The following CEP44 variants were observed in gnomAD, a reference collection of about 807,000 sequenced individuals.
CEP44 encodes centrosomal protein 44.
Under a neutral mutation model 46.7 loss-of-function variants are expected in CEP44, and 45 were observed. The ratio of observed to expected loss-of-function variants is 0.96; its 90% CI spans 0.76 to 1.24. CEP44 has a LOEUF of 1.24. Ranked by LOEUF, CEP44 falls within the 50% of genes most tolerant of loss-of-function variation. The pLI, the probability that CEP44 is intolerant of heterozygous loss-of-function variation, is 0.00. For synonymous variants in CEP44, 142 were observed against 146.0 expected (o/e 0.97, Z 0.20); for missense variants, 475 against 459.7 (o/e 1.03, Z -0.30).
At position 174,319,497 on chromosome 4, in the gene CEP44, T is replaced by C. The variant is rs1742097956; in HGVS notation, c.*2114T>C. The C allele has an allele frequency of 1.3e-5, 12 of 935,716 alleles. No individual in the cohort carries two copies. The highest frequency in any genetic ancestry group is 9.9e-5 in the South Asian group (2 of 20,204). The allele number at this position is 935,716 out of a possible 1,614,324, so 58.0% of individuals were successfully genotyped here. On this transcript the variant is annotated 3_prime_UTR_variant, in exon 12 of 12. Coordinates refer to ENST00000503780, the MANE Select transcript of CEP44 (RefSeq NM_001040157.3). ...ATTTTTGAAGTTTTCTTATGGAAGA[T>C]AGAAAAAAAGTTAAGTCTCTTTCTA...
chr4:174,328,228 A>G (rs1731103237), intron 8 of CEP44, among the ~76,000 whole-genome samples: 1 of 152,162 alleles, frequency 6.6e-6, no homozygotes, highest in Non-Finnish European at 1.5e-5. Flanking sequence ...AGGAGAAAAC[A>G]TCTAAGTTGT....
rs76826686 is a variant in CEP44, at chr4:174,312,718, A to G, written c.961+1860A>G. ...AATACCTGGTCTCATAGAGTTTATG[A>G]TCTGATCTAGATTAATTAAAAGACT... On this transcript the variant is annotated intron_variant, in intron 9 of 11. Coordinates refer to ENST00000503780, the MANE Select transcript of CEP44 (RefSeq NM_001040157.3). This position sits in a 1 kb window ranked among gnomAD's most constrained non-coding sequence, Gnocchi z 4.5. Among the ~76,000 whole-genome samples, 5,116 of 152,274 alleles carry G rather than the reference A, an allele frequency of 0.034. 126 individuals are homozygous for G. The highest frequency in any genetic ancestry group is 0.051 in the Non-Finnish European group (3,470 of 68,022).
In CEP44 at chr4:174,319,642, A is replaced by G; in HGVS notation, c.*2259A>G. The G allele has an allele frequency of 1.5e-6, 1 of 669,770 alleles. No homozygotes were observed. Among genetic ancestry groups the G allele is most frequent in the Non-Finnish European group, 1.8e-6 (1 of 541,516 alleles). 41.5% of individuals were successfully genotyped at this position (669,770 alleles called of 1,614,324 possible). On this transcript the variant is annotated 3_prime_UTR_variant, in exon 12 of 12. Transcript: ENST00000503780. ...ATAAGTAAGTATATATTGAAAATAT[A>G]AAATATTTCATATATGTTATCAGGT...
Position 174,319,760 on chromosome 4 carries a change from T to C in CEP44, c.*2377T>C. ...AAATCAACTCAATATATCATACATT[T>C]ACACTTACAAAGAGTCTTTATCTAG... On this transcript the variant is annotated 3_prime_UTR_variant, in exon 12 of 12. Transcript: ENST00000503780. 1.1e-6 allele frequency: 1 copy of C among 914,820 alleles called. No homozygotes were observed. The highest frequency in any genetic ancestry group is 1.3e-6 in the Non-Finnish European group (1 of 766,444). 56.7% of individuals were successfully genotyped at this position (914,820 alleles called of 1,614,324 possible). A position where few individuals can be genotyped will look rare whatever the true frequency, so the allele number is the denominator to read the frequency against.
downstream of CEP44, among the ~76,000 whole-genome samples, chr4:174,323,202 G>A (rs1665329061): frequency 6.6e-6 from 1 of 151,874 alleles, no homozygotes; most frequent in South Asian, 2.1e-4. Context: ...AATCCCTAAA[G>A]GCCAAAAGAA....
rs1417304881 is a variant in CEP44, at chr4:174,319,214, A to G, written c.*1831A>G. ...CAGAGTTTCAGTAAATATTTCCAGA[A>G]TTAATGAAGCATGTTAGCTTTAATT... On this transcript the variant is annotated 3_prime_UTR_variant, in exon 12 of 12. Coordinates refer to ENST00000503780, the MANE Select transcript of CEP44 (RefSeq NM_001040157.3). The G allele has an allele frequency of 1.8e-5, 17 of 970,832 alleles. No homozygotes were observed. The highest frequency in any genetic ancestry group is 1.8e-5 in the Non-Finnish European group (15 of 816,734). 60.1% of individuals were successfully genotyped at this position (970,832 alleles called of 1,614,324 possible). A position where few individuals can be genotyped will look rare whatever the true frequency, so the allele number is the denominator to read the frequency against.
intron 9 of CEP44, among the ~76,000 whole-genome samples, chr4:174,313,597 T>G (rs540325136): frequency 1.3e-5 from 2 of 152,224 alleles, no homozygotes; most frequent in East Asian, 3.9e-4. Context: ...GAATAGTGAT[T>G]TGTTAGGAAA....
At chr4:174,328,839 A>T (rs1024944114) in intron 8 of CEP44, among the ~76,000 whole-genome samples, 26 of 152,362 alleles carry the variant, frequency 1.7e-4, no homozygotes, top group African/African-American at 6.3e-4. Flanking sequence ...TCATCCTTTA[A>T]CAATATAAAT....
rs933376466 is a variant in CEP44 at position 174,287,676 on chromosome 4, A to C, written c.-148+3733A>C. Among the ~76,000 whole-genome samples, 3 of 152,198 alleles carry C rather than the reference A, an allele frequency of 2.0e-5. No individual in the cohort carries two copies. The highest frequency in any genetic ancestry group is 1.3e-4 in the Admixed American group (2 of 15,270). On this transcript the variant is annotated intron_variant, in intron 1 of 11. Coordinates refer to ENST00000503780, the MANE Select transcript of CEP44 (RefSeq NM_001040157.3). This position sits in a 1 kb window ranked among gnomAD's most constrained non-coding sequence, Gnocchi z 5.1. ...ATTTTCCCTTCTGGTTATGATTTAC[A>C]TGTATTAACTTATTAATACACGAAG...
rs1400843127 is a variant in CEP44, at chr4:174,326,984, C to A, written c.1087-4498C>A. 2.6e-5 allele frequency among the ~76,000 whole-genome samples: 4 copies of A among 151,656 alleles called. No individual in the cohort carries two copies. The highest frequency in any genetic ancestry group is 3.9e-4 in the East Asian group (2 of 5,170). ...CAATTAGAAGAGCTATGTAGAAAAA[C>A]CAAAATAAACTACAGACAGTTTTTT... On this transcript the variant is annotated intron_variant, in intron 8 of 8. Transcript: ENST00000426172. This position sits in a 1 kb window ranked among gnomAD's most constrained non-coding sequence, Gnocchi z 4.8.
upstream of CEP44, chr4:174,283,860 A>C (rs1276018765): frequency 2.8e-5 from 11 of 398,818 alleles, no homozygotes; most frequent in Non-Finnish European, 3.1e-5. The surrounding 1 kb of genome is among the most constrained non-coding windows in gnomAD (Gnocchi z 6.7). Flanking sequence ...GTCGCTCTTC[A>C]CAGGAGTCTT....
downstream of CEP44, among the ~76,000 whole-genome samples, chr4:174,324,901 A>G (rs1173590670): frequency 4.6e-5 from 7 of 151,702 alleles, no homozygotes; most frequent in Non-Finnish European, 8.8e-5. Context: ...CCCAAATTCA[A>G]CCCCCATAGA....
rs750534448 is a variant in CEP44, at chr4:174,299,174, G to A, written c.53G>A (p.Arg18His). The A allele has an allele frequency of 2.4e-5, 39 of 1,613,588 alleles. No homozygotes were observed. The East Asian group carries it at 3.1e-4, about 13-fold the overall frequency. The change falls in exon 3 of 12, where the codon CGC (arginine) becomes CAC (histidine). Residue 18 changes from arginine to histidine, a missense_variant. Arg to His is a conservative substitution (Grantham distance 29, BLOSUM62 0). Coordinates refer to ENST00000503780, the MANE Select transcript of CEP44 (RefSeq NM_001040157.3). ...RSLRNLEQVL[R>H]LLNYPEEVDC... ...TTACGGAACCTAGAACAGGTGCTCC[G>A]CTTGCTAAATTATCCTGAAGAGGTG...
chr4:174,329,225 A>G lies in CEP44; in HGVS notation c.1087-2257A>G, dbSNP rs1731182369. On this transcript the variant is annotated intron_variant, in intron 8 of 8. Transcript: ENST00000426172. The surrounding 1 kb of genome is among the most constrained non-coding windows in gnomAD (Gnocchi z 4.0). ...CTCATCCTCTGAAAGTGTTGAGATT[A>G]CAGGTATGAGCCACCAAGCTGGCCC... Among the ~76,000 whole-genome samples the G allele has an allele frequency of 2.0e-5, 3 of 152,106 alleles. No homozygotes were observed. Among genetic ancestry groups the G allele is most frequent in the Admixed American group, 6.6e-5 (1 of 15,260 alleles).
intron 2 of CEP44, among the ~76,000 whole-genome samples, chr4:174,298,359 T>C (rs1356309249): frequency 6.6e-6 from 1 of 151,504 alleles, no homozygotes; most frequent in Non-Finnish European, 1.5e-5. Flanking sequence ...GTATTTTTAG[T>C]AGAGACGGGG....
At position 174,304,252 on chromosome 4, in the gene CEP44, A is replaced by T. The variant is rs754623243; in HGVS notation, c.390A>T (p.Pro130=). The T allele has an allele frequency of 1.5e-5, 24 of 1,587,480 alleles. No homozygotes were observed. The South Asian group carries it at 2.8e-4, about 19-fold the overall frequency. ...HKELSSLQKI[P]SQQRKKISSG... The stretch of plus-strand genomic sequence containing the variant: ...ACTAATACCTTTTTTTTTAGATTCC[A>T]TCACAACAAAGAAAGAAAATCAGTT... Residue 130 remains proline (P), a synonymous_variant, in exon 6 of 12, where the codon CCA becomes CCT. Transcript: ENST00000503780.
At chr4:174,298,332 C>T (rs376203325) in intron 2 of CEP44, among the ~76,000 whole-genome samples, 11 of 151,354 alleles carry the variant, frequency 7.3e-5, no homozygotes, top group African/African-American at 1.9e-4. Flanking sequence ...CCTGCCACTA[C>T]GCCCGGCTAA....
At chr4:174,295,348 G>T (rs983167251) in intron 1 of CEP44, among the ~76,000 whole-genome samples, 1 of 151,706 alleles carries the variant, frequency 6.6e-6, no homozygotes, top group Non-Finnish European at 1.5e-5. Flanking sequence ...CATCCCAGAC[G>T]GGGCGGCAGG....
Position 174,320,013 on chromosome 4 carries a change from T to C in CEP44, c.*2630T>C, listed in dbSNP as rs1742165474. The C allele has an allele frequency of 1.0e-6, 1 of 985,300 alleles. No individual in the cohort carries two copies. The allele number at this position is 985,300 out of a possible 1,614,324, so 61.0% of individuals were successfully genotyped here. A position where few individuals can be genotyped will look rare whatever the true frequency, so the allele number is the denominator to read the frequency against. On this transcript the variant is annotated 3_prime_UTR_variant, in exon 12 of 12. Transcript: ENST00000503780. ...TTAAGTAAAATTTTCACTTTCATTC[T>C]TTTCATTCTCTCATAAACTGGTTGA...
Sources: gnomAD v4.1 joint callset for allele counts (sites outside exome capture counted in the v4.1 genomes callset) on GRCh38, gnomAD v4.1.1 for gene constraint, Gnocchi (gnomAD v3.1) non-coding constraint, MANE v1.5 for transcripts, NCBI Gene and HGNC (gene_info 2026-07-23, HGNC 2026-07-21) for gene names.